Variants in ADGRE2 observed in about 807,000 individuals in gnomAD.
ADGRE2 encodes CD97 antigen.
ADGRE2 carries 83 observed loss-of-function variants against 100.8 expected under a neutral mutation model. The ratio of observed to expected loss-of-function variants is 0.82; its 90% CI spans 0.69 to 0.99. The LOEUF (loss-of-function observed/expected upper bound fraction) is 0.99, where lower values mean the gene tolerates loss of function less well. ADGRE2 is among the 50% of genes least tolerant of loss of function. The pLI is 0.00. For missense variants in ADGRE2, 814 were observed against 1,035.7 expected (o/e 0.79, Z 2.94); for synonymous variants, 355 against 413.0 (o/e 0.86, Z 1.70).
chr19:14,761,939 A>T (rs2043741684), intron 11 of ADGRE2, among the ~76,000 whole-genome samples: 1 of 152,104 alleles, frequency 6.6e-6, no homozygotes. Flanking sequence ...TTTCTCTCAC[A>T]AGAGAGAGAG....
chr19:14,746,414 C>G (rs2043092632), intron 17 of ADGRE2, 91 bp from the exon 18 acceptor site: 1 of 770,056 alleles, frequency 1.3e-6, no homozygotes, highest in Admixed American at 2.2e-5. Context: ...GCTCTGTTGC[C>G]CAGGCTGGAG....
At chr19:14,731,099 C>A (rs577658747), downstream of ADGRE2, 20 of 1,370,108 alleles carry the variant, frequency 1.5e-5, no homozygotes, top group African/African-American at 2.6e-4. Context: ...CCCCCTCCCC[C>A]CAAGGATTGG....
chr19:14,763,968 C>T (rs572274261), intron 11 of ADGRE2, among the ~76,000 whole-genome samples: 264 of 148,920 alleles, frequency 1.8e-3, no homozygotes, highest in African/African-American at 5.5e-3. Context: ...CTGTCCTCCC[C>T]CTCCTGCCCT....
At chr19:14,759,815 A>ATT (rs71333311) in intron 11 of ADGRE2, among the ~76,000 whole-genome samples, 1,574 of 95,518 alleles carry the variant, frequency 0.016, 81 homozygotes, top group East Asian at 0.044. Context: ...TATTAAGCAG[A>ATT]TTTTTTTTTT....
chr19:14,754,461 ATCTATC>A (rs2043415686), intron 14 of ADGRE2, among the ~76,000 whole-genome samples: 6 of 147,424 alleles, frequency 4.1e-5, no homozygotes, highest in African/African-American at 1.5e-4. Context: ...CTATCTATCT[ATCTATC>A]TATCTATCTA....
rs1439706033 is a variant in ADGRE2 at position 14,733,961 on chromosome 19, A to T, written c.*2275T>A. 6.6e-6 allele frequency: 1 copy of T among 152,230 alleles called. No homozygotes were observed. The highest frequency in any genetic ancestry group is 1.5e-5 in the Non-Finnish European group (1 of 68,050). The allele number at this position is 152,230 out of a possible 1,614,324, so 9.4% of individuals were successfully genotyped here. A position where few individuals can be genotyped will look rare whatever the true frequency, so the allele number is the denominator to read the frequency against. On this transcript the variant is annotated 3_prime_UTR_variant, in exon 21 of 21. Coordinates refer to ENST00000315576, the MANE Select transcript of ADGRE2 (RefSeq NM_013447.4). ...CTAAATCAATACTCATTGAGCTTAT[A>T]CGGACAGGCACAGAGCAGTGAAAAA... is the stretch of plus-strand genomic sequence containing the variant.
chr19:14,770,669 C>CTTTTTTTTTTTTTTTT (rs775214778), intron 5 of ADGRE2, among the ~76,000 whole-genome samples: 1 of 85,010 alleles, frequency 1.2e-5, no homozygotes, highest in Non-Finnish European at 2.3e-5. Flanking sequence ...TCTTTCTTTT[C>CTTTTTTTTTTTTTTTT]TTTTTTTTTT....
chr19:14,762,963 G>C (rs934414519), intron 11 of ADGRE2, among the ~76,000 whole-genome samples: 1 of 152,160 alleles, frequency 6.6e-6, no homozygotes, highest in Admixed American at 6.5e-5. Context: ...ACGTGAAACA[G>C]ACACTTTAAA....
At chr19:14,755,221 G>T (rs1599831132) in intron 13 of ADGRE2, 94 bp from the exon 14 acceptor site, 2 of 1,305,222 alleles carry the variant, frequency 1.5e-6, no homozygotes, top group East Asian at 4.9e-5. Context: ...ATCACTTGAG[G>T]TCAGGAGTTT....
chr19:14,775,937 C>T (rs2044421262), intron 2 of ADGRE2, among the ~76,000 whole-genome samples: 1 of 151,608 alleles, frequency 6.6e-6, no homozygotes, highest in Non-Finnish European at 1.5e-5. Context: ...TCCTCAGGGA[C>T]ACAGGTGCAC....
intron 10 of ADGRE2, 133 bp downstream of exon 10, chr19:14,765,187 T>C (rs2043908935): frequency 1.1e-6 from 1 of 881,548 alleles, no homozygotes; most frequent in African/African-American, 1.7e-5. Flanking sequence ...CCACCAGCCC[T>C]GAAAGATGCT....
chr19:14,758,202 TA>T (rs2043569649), intron 11 of ADGRE2, among the ~76,000 whole-genome samples: 1 of 152,204 alleles, frequency 6.6e-6, no homozygotes, highest in South Asian at 2.1e-4. Context: ...TTCTATTCAT[TA>T]AAGTGAAAAG....
intron 11 of ADGRE2, among the ~76,000 whole-genome samples, chr19:14,759,905 G>A (rs2108615): frequency 0.24 from 35,229 of 145,852 alleles, 4,935 homozygotes; most frequent in Admixed American, 0.36. Flanking sequence ...TGCAAGCTTC[G>A]CCTCCCAGGT....
intron 5 of ADGRE2, chr19:14,771,954 A>T: frequency 4.7e-6 from 1 of 213,586 alleles, no homozygotes; most frequent in Non-Finnish European, 9.2e-6. Flanking sequence ...TGCCTGTAGC[A>T]CCTGCTGTGT....
At position 14,755,627 on chromosome 19, in the gene ADGRE2, C is replaced by T. The variant is rs368669885; in HGVS notation, c.1416+27G>A. On this transcript the variant is annotated intron_variant, in intron 13 of 20. Coordinates refer to ENST00000315576, the MANE Select transcript of ADGRE2 (RefSeq NM_013447.4). ...CTATGCCCGGACTCAGACTATTCAC[C>T]CACCAACCAACTCCACCAGCACTCA... 92 of 1,605,116 alleles carry T rather than the reference C, an allele frequency of 5.7e-5. No individual in the cohort carries two copies. The African/African-American group carries it at 1.0e-3, about 18-fold the overall frequency.
chr19:14,737,737 A>G (rs528830990), intron 20 of ADGRE2, among the ~76,000 whole-genome samples: 1 of 152,170 alleles, frequency 6.6e-6, no homozygotes, highest in South Asian at 2.1e-4. Context: ...CGAGGCGGGC[A>G]GATCACTTGA....
intron 11 of ADGRE2, among the ~76,000 whole-genome samples, chr19:14,761,463 T>C (rs1024475711): frequency 3.9e-5 from 6 of 151,978 alleles, no homozygotes; most frequent in Admixed American, 3.3e-4. Context: ...TACCTTGTGA[T>C]ATAGAAGTTA....
chr19:14,759,626 A>AGG (rs1213636680), intron 11 of ADGRE2, among the ~76,000 whole-genome samples: 1 of 150,470 alleles, frequency 6.6e-6, no homozygotes, highest in Non-Finnish European at 1.5e-5. Flanking sequence ...CTTCCCAGGT[A>AGG]GCTGGGATTA....
intron 4 of ADGRE2, 81 bp from the exon 5 acceptor site, chr19:14,772,578 C>T: frequency 4.0e-6 from 6 of 1,512,734 alleles, no homozygotes; most frequent in Admixed American, 1.9e-5. Flanking sequence ...GACTCCCCAA[C>T]ATGGGGCCTG....
Sources: allele counts gnomAD v4.1 joint callset (sites outside exome capture counted in the v4.1 genomes callset), GRCh38; gene constraint gnomAD v4.1.1; transcripts MANE v1.5; gene names NCBI Gene and HGNC (gene_info 2026-07-23, HGNC 2026-07-21).